Variants in FBXO25 observed in about 807,000 individuals in gnomAD.
FBXO25 encodes the protein F-box only protein 25.
In FBXO25, 45 loss-of-function variants were observed where a neutral mutation model predicts 51.9. The ratio of observed to expected loss-of-function variants is 0.87; its 90% CI spans 0.68 to 1.11. FBXO25 has a LOEUF of 1.11. FBXO25 is among the 50% of genes most tolerant of loss of function. The pLI is 0.00. For missense variants in FBXO25, 507 were observed against 428.5 expected, an observed-to-expected ratio of 1.18 and a Z score of -1.62; for synonymous variants, 199 against 151.0, an observed-to-expected ratio of 1.32 and a Z score of -2.33.
At position 451,210 on chromosome 8, in the gene FBXO25, C is replaced by A. The variant is rs548706541; in HGVS notation, c.476-59C>A. ...GGACATTTGGGTTATGAAACTAGAT[C>A]TTTTTTTAAAGTGTTGCTTAACTGT... On this transcript the variant is annotated intron_variant, in intron 6 of 9. Transcript: ENST00000350302. The A allele has an allele frequency of 8.2e-6, 12 of 1,469,556 alleles. 1 individual carries two copies. In the African/African-American group the frequency reaches 1.7e-4, roughly 21 times the overall value. The allele number at this position is 1,469,556 out of a possible 1,614,324, so 91.0% of individuals were successfully genotyped here. A position where few individuals can be genotyped will look rare whatever the true frequency, so the allele number is the denominator to read the frequency against.
At chr8:463,249 CTG>C in intron 9 of FBXO25, 99 bp downstream of exon 9, 1 of 1,323,002 alleles carries the variant, frequency 7.6e-7, no homozygotes, top group Non-Finnish European at 1.1e-6. Context: ...GCGGAAAATA[CTG>C]TTTGTTATAA....
At chr8:423,879 A>G (rs1395202350) in intron 2 of FBXO25, among the ~76,000 whole-genome samples, 1 of 152,222 alleles carries the variant, frequency 6.6e-6, no homozygotes, top group Non-Finnish European at 1.5e-5. Context: ...ACCACTTCCC[A>G]CAATGGCTGG....
At chr8:417,409 C>T (rs11136657) in intron 2 of FBXO25, among the ~76,000 whole-genome samples, 52,095 of 152,028 alleles carry the variant, frequency 0.34, 9,513 homozygotes, top group African/African-American at 0.48. Flanking sequence ...AGAAAGGAGG[C>T]GGTGGATGAG....
intron 5 of FBXO25, among the ~76,000 whole-genome samples, chr8:439,149 A>G (rs1436186999): frequency 3.9e-5 from 6 of 152,180 alleles, no homozygotes; most frequent in African/African-American, 7.2e-5. Flanking sequence ...TCCTGATCCT[A>G]TAGGTTAATG....
At chr8:423,560 C>G (rs1797286423) in intron 2 of FBXO25, among the ~76,000 whole-genome samples, 1 of 151,988 alleles carries the variant, frequency 6.6e-6, no homozygotes, top group South Asian at 2.1e-4. Flanking sequence ...GTTTTCTGTT[C>G]CTGCATTAAT....
At position 416,617 on chromosome 8, in the gene FBXO25, G is replaced by T. The variant is rs574535330; in HGVS notation, c.134+3404G>T. ...CAGCTTTCCCCACCCCTCCAGAAAGGGTTTCCTTGGAAATGGAATGGGCCG... is the reference window on the plus strand; with the variant it reads ...CAGCTTTCCCCACCCCTCCAGAAAGTGTTTCCTTGGAAATGGAATGGGCCG... On this transcript the variant is annotated intron_variant, in intron 2 of 9. Coordinates refer to ENST00000350302, the MANE Select transcript of FBXO25 (RefSeq NM_183420.2). Among the ~76,000 whole-genome samples the T allele has an allele frequency of 3.3e-5, 5 of 152,232 alleles. No individual in the cohort carries two copies. The East Asian group carries it at 5.8e-4, about 18-fold the overall frequency.
At chr8:466,099 A>G (rs1020614484) in intron 9 of FBXO25, among the ~76,000 whole-genome samples, 2 of 152,192 alleles carry the variant, frequency 1.3e-5, no homozygotes, top group African/African-American at 4.8e-5. Context: ...CCCACTGAAT[A>G]TCATTCTAGA....
intron 7 of FBXO25, 30 bp from the exon 8 acceptor site, chr8:458,339 C>A: frequency 1.2e-6 from 2 of 1,603,244 alleles, no homozygotes; most frequent in South Asian, 1.1e-5. Context: ...GCCATCTTCT[C>A]AGTGAGTTGC....
intron 1 of FBXO25, among the ~76,000 whole-genome samples, chr8:407,665 C>G (rs565650532): frequency 6.6e-6 from 1 of 152,242 alleles, no homozygotes; most frequent in East Asian, 1.9e-4. Context: ...CGGTCCTTGC[C>G]TCTTCGCCGG....
intron 9 of FBXO25, chr8:468,113 G>T: frequency 9.4e-7 from 1 of 1,059,142 alleles, no homozygotes; most frequent in Non-Finnish European, 1.1e-6. Context: ...GAGTCTGCCA[G>T]TCTTCATCCA....
At chr8:460,652 A>G (rs953076568) in intron 8 of FBXO25, among the ~76,000 whole-genome samples, 1 of 152,232 alleles carries the variant, frequency 6.6e-6, no homozygotes, top group South Asian at 2.1e-4. Context: ...GTTATTCAGG[A>G]GGAAAACCAT....
intron 5 of FBXO25, among the ~76,000 whole-genome samples, chr8:443,997 C>G (rs148288049): frequency 6.6e-6 from 1 of 152,194 alleles, no homozygotes; most frequent in Non-Finnish European, 1.5e-5. Context: ...CTCCTCAGTG[C>G]TGTGGCCTTG....
chr8:445,580 C>T (rs1372123697), intron 5 of FBXO25, among the ~76,000 whole-genome samples: 6 of 152,226 alleles, frequency 3.9e-5, no homozygotes, highest in African/African-American at 1.4e-4. Flanking sequence ...GGGCTGGGTG[C>T]AGTGGCTCAC....
At chr8:468,582 A>C (rs1585116505) in intron 9 of FBXO25, 133 bp from the exon 10 acceptor site, 1 of 637,542 alleles carries the variant, frequency 1.6e-6, no homozygotes, top group South Asian at 2.0e-5. Flanking sequence ...TTCTCATCCA[A>C]GTTATCTCCC....
Position 477,962 on chromosome 8 carries a change from A to G in FBXO25, c.*9158A>G, listed in dbSNP as rs948765295. The G allele has an allele frequency of 2.0e-5, 3 of 152,176 alleles. No individual in the cohort carries two copies. The highest frequency in any genetic ancestry group is 7.2e-5 in the African/African-American group (3 of 41,430). The allele number at this position is 152,176 out of a possible 1,614,324, so 9.4% of individuals were successfully genotyped here. A position where few individuals can be genotyped will look rare whatever the true frequency, so the allele number is the denominator to read the frequency against. ...GACATTTTCCATTAAAAGTTATATAACACTACTTTTTTGTACTCGTTACTT... is the reference window on the plus strand; with the variant it reads ...GACATTTTCCATTAAAAGTTATATAGCACTACTTTTTTGTACTCGTTACTT... On this transcript the variant is annotated 3_prime_UTR_variant, in exon 10 of 10. Coordinates refer to ENST00000350302, the MANE Select transcript of FBXO25 (RefSeq NM_183420.2).
At chr8:452,097 A>C (rs1318619255) in intron 7 of FBXO25, among the ~76,000 whole-genome samples, 1 of 152,230 alleles carries the variant, frequency 6.6e-6, no homozygotes, top group Non-Finnish European at 1.5e-5. Context: ...ATGATTCTGC[A>C]GATTGCACTG....
At chr8:423,830 A>G (rs1797304796) in intron 2 of FBXO25, among the ~76,000 whole-genome samples, 1 of 152,138 alleles carries the variant, frequency 6.6e-6, no homozygotes, top group East Asian at 1.9e-4. Context: ...TGCTGGATAG[A>G]ATGGTAGTTC....
intron 5 of FBXO25, among the ~76,000 whole-genome samples, chr8:438,528 G>A (rs1286717942): frequency 6.6e-6 from 1 of 152,120 alleles, no homozygotes; most frequent in Non-Finnish European, 1.5e-5. Flanking sequence ...AAGTAGTTTG[G>A]AATGGAAGTT....
intron 8 of FBXO25, among the ~76,000 whole-genome samples, chr8:459,901 T>G (rs1422380104): frequency 6.6e-6 from 1 of 152,292 alleles, no homozygotes; most frequent in South Asian, 2.1e-4. Flanking sequence ...CTGTGAGATT[T>G]AGCCGAGCAG....
Sources: allele counts gnomAD v4.1 joint callset (sites outside exome capture counted in the v4.1 genomes callset), GRCh38; gene constraint gnomAD v4.1.1; transcripts MANE v1.5; gene names NCBI Gene and HGNC (gene_info 2026-07-23, HGNC 2026-07-21).